CNNM1: variants seen among roughly 807,000 people sequenced by gnomAD.
CNNM1 encodes the protein metal transporter CNNM1.
In CNNM1, 44 loss-of-function variants were observed where a neutral mutation model predicts 78.8. The observed-to-expected ratio is 0.56, with a 90% CI of 0.44 to 0.72. The LOEUF (loss-of-function observed/expected upper bound fraction) is 0.72. CNNM1 is among the 30% of genes least tolerant of loss of function. The pLI is 0.00. For missense variants in CNNM1, 1,101 were observed against 1,292.2 expected (o/e 0.85, Z 2.27); for synonymous variants, 584 against 581.5 (o/e 1.00, Z -0.06).
rs1204159733 is a variant in CNNM1, at chr10:99,331,300, C to T, written c.1573+340C>T. ...TGAAGGTCATTGCATAGCTCCCCAC[C>T]TATTACAGGAGACACCTCTGCAGGT... On this transcript the variant is annotated intron_variant, in intron 1 of 10. Transcript: ENST00000356713. Among the ~76,000 whole-genome samples, 9 of 152,312 alleles carry T rather than the reference C, an allele frequency of 5.9e-5. No homozygotes were observed. In the South Asian group the frequency reaches 8.3e-4, roughly 14 times the overall value.
rs1850596657 is a variant in CNNM1, at chr10:99,330,687, A to AC, written c.1306dup (p.Leu436ProfsTer35). 1.2e-6 allele frequency: 2 copies of AC among 1,613,558 alleles called. No homozygotes were observed. Among genetic ancestry groups the AC allele is most frequent in the Non-Finnish European group, 1.7e-6 (2 of 1,179,770 alleles). The stretch of plus-strand genomic sequence containing the variant: ...CACCAAAGTTGTGGAGGAGGTGCTG[A>AC]CCCCCCTGGGAGACTGCTTCATGCT... On this transcript the variant is annotated frameshift_variant, in exon 1 of 11. Coordinates refer to ENST00000356713, the MANE Select transcript of CNNM1 (RefSeq NM_020348.3). LOFTEE classifies it high-confidence loss of function.
chr10:99,365,207 T>G (rs1392333023), intron 6 of CNNM1: 19 of 658,032 alleles, frequency 2.9e-5, no homozygotes, highest in Admixed American at 1.1e-4. Context: ...CTGGAATGTT[T>G]TCTGCTGCTT....
In CNNM1 at chr10:99,387,921, G is replaced by A; in HGVS notation, c.2442G>A (p.Lys814=). The A allele has an allele frequency of 1.2e-6, 2 of 1,613,686 alleles. No homozygotes were observed. The highest frequency in any genetic ancestry group is 1.7e-6 in the Non-Finnish European group (2 of 1,179,790). Reference sequence around the variant, plus strand: ...CCTTCACAGACGGGGACTCCACTAAGGCCCCCACAACCCGGGGCACACCCC... The same window carrying A: ...CCTTCACAGACGGGGACTCCACTAAAGCCCCCACAACCCGGGGCACACCCC... ...MEAFTDGDST[K]APTTRGTPQT... The change falls in exon 8 of 11, where the codon AAG becomes AAA. Residue 814 remains lysine (K), a synonymous_variant. Coordinates refer to ENST00000356713, the MANE Select transcript of CNNM1 (RefSeq NM_020348.3).
chr10:99,367,331 G>C (rs561069782), intron 6 of CNNM1, among the ~76,000 whole-genome samples: 29 of 152,256 alleles, frequency 1.9e-4, no homozygotes, highest in African/African-American at 7.0e-4. Flanking sequence ...CTGGAATACT[G>C]GCACGATGAC....
intron 6 of CNNM1, among the ~76,000 whole-genome samples, chr10:99,372,673 A>G (rs1452072288): frequency 6.6e-6 from 1 of 152,050 alleles, no homozygotes; most frequent in Non-Finnish European, 1.5e-5. Context: ...CTTTTTATTA[A>G]AAGCATTTCC....
rs192579706 is a variant in CNNM1, at chr10:99,387,923, C to A, written c.2444C>A (p.Ala815Asp). The A allele has an allele frequency of 1.9e-6, 3 of 1,613,548 alleles. No individual in the cohort carries two copies. The highest frequency in any genetic ancestry group is 1.6e-4 in the Middle Eastern group (1 of 6,062). Residue 815 changes from alanine to aspartate, a missense_variant, in exon 8 of 11, where the codon GCC becomes GAC. Physicochemically the swap from Ala to Asp is moderately radical, Grantham distance 126. Around this residue, in one of 3 missense-constraint regions of CNNM1, gnomAD observed 348 missense variants for 384.5 expected, o/e 0.90. Transcript: ENST00000356713. The stretch of plus-strand genomic sequence containing the variant: ...TTCACAGACGGGGACTCCACTAAGG[C>A]CCCCACAACCCGGGGCACACCCCAG... ...EAFTDGDSTKAPTTRGTPQTP... is the reference protein window; with the variant it reads ...EAFTDGDSTKDPTTRGTPQTP...
At chr10:99,334,369 T>C (rs1564936688) in intron 1 of CNNM1, among the ~76,000 whole-genome samples, 1 of 152,204 alleles carries the variant, frequency 6.6e-6, no homozygotes, top group Non-Finnish European at 1.5e-5. Context: ...AATAACGTTT[T>C]TGGCTGGGCG....
At chr10:99,364,587 T>C in intron 5 of CNNM1, 71 bp downstream of exon 5, 1 of 1,241,704 alleles carries the variant, frequency 8.1e-7, no homozygotes, top group Non-Finnish European at 1.1e-6. Flanking sequence ...GGTTCAAGTC[T>C]TGACTCCCCC....
intron 1 of CNNM1, among the ~76,000 whole-genome samples, chr10:99,340,031 T>A (rs1192125689): frequency 6.6e-6 from 1 of 152,204 alleles, no homozygotes; most frequent in Non-Finnish European, 1.5e-5. Context: ...ATTAGTAAAA[T>A]TTGTAATGAG....
At chr10:99,387,640 C>T (rs781739463) in intron 7 of CNNM1, among the ~76,000 whole-genome samples, 180 bp from the exon 8 acceptor site, 1 of 152,190 alleles carries the variant, frequency 6.6e-6, no homozygotes, top group South Asian at 2.1e-4. Flanking sequence ...AGCAAAGGGC[C>T]GCCTCACTGT....
intron 5 of CNNM1, 63 bp downstream of exon 5, chr10:99,364,579 T>C: frequency 7.4e-7 from 1 of 1,352,912 alleles, no homozygotes; most frequent in Non-Finnish European, 1.0e-6. Flanking sequence ...AGCACAGGGG[T>C]TCAAGTCTTG....
intron 1 of CNNM1, among the ~76,000 whole-genome samples, chr10:99,333,356 T>C (rs1368666285): frequency 2.0e-5 from 3 of 152,202 alleles, no homozygotes; most frequent in Admixed American, 6.5e-5. Flanking sequence ...TGTTTGTTTG[T>C]TTGTTTGAGA....
At chr10:99,360,752 T>C in intron 2 of CNNM1, 83 bp from the exon 3 acceptor site, 2 of 1,505,322 alleles carry the variant, frequency 1.3e-6, no homozygotes, top group Non-Finnish European at 1.8e-6. Context: ...AAATGTTCTA[T>C]CTGTCCCCTG....
chr10:99,348,811 G>A (rs1455409265), intron 1 of CNNM1, among the ~76,000 whole-genome samples: 1 of 152,172 alleles, frequency 6.6e-6, no homozygotes, highest in African/African-American at 2.4e-5. Context: ...CAGCACTTTG[G>A]GAGGCCAAAG....
At chr10:99,361,117 TAGAC>T in intron 3 of CNNM1, 142 bp downstream of exon 3, 4 of 890,716 alleles carry the variant, frequency 4.5e-6, no homozygotes, top group Non-Finnish European at 6.4e-6. Context: ...GAGGTTGCCT[TAGAC>T]AGGGTAATGG....
In CNNM1 at chr10:99,387,995, G is replaced by T. The variant is rs770877358; in HGVS notation, c.2516G>T (p.Ser839Ile). The change falls in exon 8 of 11, where the codon AGC (serine) becomes ATC (isoleucine). Residue 839 changes from serine (S) to isoleucine (I), a missense_variant. By Grantham distance (142) the Ser-to-Ile change is moderately radical. This residue lies in a region of CNNM1 where 348 missense variants were observed against 384.5 expected (regional missense o/e 0.90). Coordinates refer to ENST00000356713, the MANE Select transcript of CNNM1 (RefSeq NM_020348.3). ...ATCACGCTCCTCAACAACAGGAACA[G>T]CCTGCCGTGTAAGTCAGCTGGGCAG... is the stretch of plus-strand genomic sequence containing the variant. ...PAITLLNNRNSLPCSRSDGLR... is the reference protein window; with the variant it reads ...PAITLLNNRNILPCSRSDGLR... 3 of 1,589,578 alleles carry T rather than the reference G, an allele frequency of 1.9e-6. No individual in the cohort carries two copies. In the Admixed American group the frequency reaches 5.2e-5, roughly 28 times the overall value.
intron 3 of CNNM1, among the ~76,000 whole-genome samples, chr10:99,361,568 TAGCA>T (rs1484982029): frequency 6.6e-6 from 1 of 152,250 alleles, no homozygotes; most frequent in Non-Finnish European, 1.5e-5. Context: ...TAATGAGTGC[TAGCA>T]CTGTTTTAGG....
intron 4 of CNNM1, 90 bp downstream of exon 4, chr10:99,362,486 C>A: frequency 7.3e-7 from 1 of 1,364,600 alleles, no homozygotes; most frequent in East Asian, 2.5e-5. Context: ...CACCAAGTTC[C>A]AAGACTTGGC....
At chr10:99,362,201 C>T (rs944830888) in intron 3 of CNNM1, 26 bp from the exon 4 acceptor site, 1 of 1,582,456 alleles carries the variant, frequency 6.3e-7, no homozygotes, top group African/African-American at 1.4e-5. Context: ...ATGCTGATTC[C>T]TCCCTTCCCA....
Sources: allele counts gnomAD v4.1 joint callset (sites outside exome capture counted in the v4.1 genomes callset), GRCh38; gene constraint gnomAD v4.1.1; regional missense constraint gnomAD v4.1.1; transcripts MANE v1.5; gene names NCBI Gene and HGNC (gene_info 2026-07-23, HGNC 2026-07-21).